Variants in SLC24A2 observed in about 807,000 individuals in gnomAD.
SLC24A2 encodes solute carrier family 24 member 2, also known as sodium/potassium/calcium exchanger 2.
A neutral mutation model predicts 62.0 loss-of-function variants in SLC24A2; 36 were observed. That is an observed-to-expected ratio of 0.58 (90% CI 0.44 to 0.77). SLC24A2 has a LOEUF of 0.77. SLC24A2 is among the 30% of genes least tolerant of loss of function. The pLI, the probability that SLC24A2 is intolerant of heterozygous loss-of-function variation, is 0.00. For missense variants in SLC24A2, 846 were observed against 817.9 expected (o/e 1.03, Z -0.42); for synonymous variants, 358 against 294.0 (o/e 1.22, Z -2.23).
the SLC24A2 span, among the ~76,000 whole-genome samples, chr9:19,909,042 T>C: frequency 6.6e-6 from 1 of 152,206 alleles, no homozygotes; most frequent in Non-Finnish European, 1.5e-5. Flanking sequence ...CGTATGTTTA[T>C]TGTGGCACTA....
the SLC24A2 span, among the ~76,000 whole-genome samples, chr9:20,210,599 G>T: frequency 7.0e-5 from 10 of 141,848 alleles, no homozygotes; most frequent in African/African-American, 2.4e-4. Flanking sequence ...TCAGCCTCCC[G>T]AGTAGCTGGG....
chr9:20,225,582 T>TATATATATATATAATA, the SLC24A2 span, among the ~76,000 whole-genome samples: 3 of 117,680 alleles, frequency 2.5e-5, no homozygotes, highest in African/African-American at 1.6e-4. Flanking sequence ...ATAATTTCAT[T>TATATATATATATAATA]TAAAGAAAGC....
chr9:20,213,506 T>C, the SLC24A2 span, among the ~76,000 whole-genome samples: 1 of 152,046 alleles, frequency 6.6e-6, no homozygotes, highest in Non-Finnish European at 1.5e-5. Context: ...GTAAAATCAA[T>C]AAAAATGTAT....
At chr9:20,049,002 T>C in the SLC24A2 span, among the ~76,000 whole-genome samples, 1 of 152,212 alleles carries the variant, frequency 6.6e-6, no homozygotes, top group South Asian at 2.1e-4. Context: ...TACATATGTA[T>C]ACATGTGCCA....
chr9:20,268,553 GC>G, the SLC24A2 span, among the ~76,000 whole-genome samples: 1 of 152,296 alleles, frequency 6.6e-6, no homozygotes, highest in East Asian at 1.9e-4. Context: ...ACCATGTGCT[GC>G]TTTGCACCTC....
chr9:19,754,819 T>C (rs1022841470), intron 2 of SLC24A2, among the ~76,000 whole-genome samples: 3 of 152,008 alleles, frequency 2.0e-5, no homozygotes, highest in African/African-American at 7.2e-5. Context: ...CCTCTCCTGC[T>C]CGACAGGCAG....
At chr9:20,009,907 G>A in the SLC24A2 span, among the ~76,000 whole-genome samples, 1 of 152,124 alleles carries the variant, frequency 6.6e-6, no homozygotes, top group Admixed American at 6.5e-5. Flanking sequence ...CCCACCTTGT[G>A]TGGCCAAACA....
the SLC24A2 span, among the ~76,000 whole-genome samples, chr9:20,172,662 C>T: frequency 5.3e-5 from 8 of 152,010 alleles, no homozygotes; most frequent in Admixed American, 5.2e-4. Context: ...GAATTAGATA[C>T]CCTGAACAGC....
chr9:19,861,954 T>C, the SLC24A2 span, among the ~76,000 whole-genome samples: 2 of 152,044 alleles, frequency 1.3e-5, no homozygotes, highest in African/African-American at 2.4e-5. Flanking sequence ...ATCTAGAGAA[T>C]AGCTTCAAAA....
chr9:19,853,309 T>G, the SLC24A2 span, among the ~76,000 whole-genome samples: 29 of 152,216 alleles, frequency 1.9e-4, no homozygotes, highest in Non-Finnish European at 1.3e-4. Flanking sequence ...TTTTTTCTCT[T>G]GCCTGATTGC....
the SLC24A2 span, among the ~76,000 whole-genome samples, chr9:20,059,804 G>A: frequency 2.0e-5 from 3 of 151,980 alleles, no homozygotes; most frequent in Admixed American, 6.6e-5. Context: ...ATGAAAATTA[G>A]AGCAGAGATA....
the SLC24A2 span, among the ~76,000 whole-genome samples, chr9:20,298,292 C>A: frequency 0.33 from 49,519 of 151,890 alleles, 8,513 homozygotes; most frequent in Middle Eastern, 0.5. Flanking sequence ...TGCAGCAGAG[C>A]TATCTCGGCT....
chr9:19,772,775 A>G (rs1249933550), intron 2 of SLC24A2, among the ~76,000 whole-genome samples: 7 of 152,218 alleles, frequency 4.6e-5, no homozygotes, highest in Non-Finnish European at 8.8e-5. Flanking sequence ...GGCTTTGGAA[A>G]ACAGTTGGCA....
At chr9:20,171,503 A>G in the SLC24A2 span, among the ~76,000 whole-genome samples, 1 of 152,060 alleles carries the variant, frequency 6.6e-6, no homozygotes, top group Non-Finnish European at 1.5e-5. Flanking sequence ...ACATAAACTT[A>G]AGGCAAAGGG....
the SLC24A2 span, among the ~76,000 whole-genome samples, chr9:20,092,413 C>T: frequency 6.6e-6 from 1 of 152,044 alleles, no homozygotes; most frequent in East Asian, 1.9e-4. Context: ...AATTCATAAA[C>T]TTTCTTAAAA....
the SLC24A2 span, among the ~76,000 whole-genome samples, chr9:19,843,117 A>G: frequency 1.3e-5 from 2 of 152,136 alleles, no homozygotes; most frequent in African/African-American, 4.8e-5. Context: ...AAAAATAAAG[A>G]TATGCAGCCA....
intron 8 of SLC24A2, among the ~76,000 whole-genome samples, chr9:19,548,280 T>A (rs749524559): frequency 1.3e-5 from 2 of 152,206 alleles, no homozygotes; most frequent in Non-Finnish European, 2.9e-5. Flanking sequence ...TTAAATGATT[T>A]TTTTTTCTAC....
chr9:20,212,606 CCT>C, the SLC24A2 span, among the ~76,000 whole-genome samples: 1 of 151,478 alleles, frequency 6.6e-6, no homozygotes, highest in Admixed American at 6.6e-5. Context: ...AAACCAGAAC[CCT>C]CTCTGTTTTA....
At chr9:20,054,356 T>A in the SLC24A2 span, among the ~76,000 whole-genome samples, 3 of 152,032 alleles carry the variant, frequency 2.0e-5, no homozygotes, top group Non-Finnish European at 4.4e-5. Flanking sequence ...CACACCTAGC[T>A]AATTTTTGTA....
Sources: gnomAD v4.1 joint callset for allele counts (sites outside exome capture counted in the v4.1 genomes callset) on GRCh38, gnomAD v4.1.1 for gene constraint, MANE v1.5 for transcripts, NCBI Gene and HGNC (gene_info 2026-07-23, HGNC 2026-07-21) for gene names.